SYT14: variants seen among roughly 807,000 people sequenced by gnomAD.
SYT14 encodes the protein synaptotagmin 14, also known as synaptotagmin-14.
A neutral mutation model predicts 74.2 loss-of-function variants in SYT14; 32 were observed. The ratio of observed to expected loss-of-function variants is 0.43; its 90% CI spans 0.33 to 0.58. SYT14 has a LOEUF of 0.58. Among genes scored for constraint, SYT14 ranks in the 20% least tolerant of loss-of-function variants. The pLI is 0.05. For missense variants in SYT14, 791 were observed against 981.8 expected (o/e 0.81, Z 2.60); for synonymous variants, 298 against 337.7 (o/e 0.88, Z 1.29).
At chr1:210,161,788 G>C (rs1295642793) in exon 10 of SYT14, 2 of 453,694 alleles carry the variant, frequency 4.4e-6, no homozygotes, top group African/African-American at 2.0e-5. Context: ...TTGTACTGTA[G>C]AACTACGTAA....
chr1:210,153,332 A>C (rs1272528223), intron 7 of SYT14, among the ~76,000 whole-genome samples: 1 of 152,182 alleles, frequency 6.6e-6, no homozygotes, highest in African/African-American at 2.4e-5. Flanking sequence ...GAAGTCAAAC[A>C]ATTCAAAGAA....
chr1:210,092,446 A>C lies in SYT14; in HGVS notation c.1313-1876A>C, dbSNP rs2081892256. Among the ~76,000 whole-genome samples the C allele has an allele frequency of 1.3e-5, 2 of 152,212 alleles. 1 individual carries two copies. The highest frequency in any genetic ancestry group is 1.3e-4 in the Admixed American group (2 of 15,276). On this transcript the variant is annotated intron_variant, in intron 5 of 9. Coordinates refer to ENST00000637265, the Ensembl canonical transcript of SYT14. ...AAGGTTCACTCTGAAATCTGCTTAG[A>C]TCTCATTGGCCACTCCTAATCAGAA...
chr1:210,041,689 A>G (rs1394488383), intron 5 of SYT14, among the ~76,000 whole-genome samples: 1 of 152,158 alleles, frequency 6.6e-6, no homozygotes. Context: ...TAAACTTAAA[A>G]ATAAATACTC....
chr1:210,163,655 C>G, exon 10 of SYT14: 1 of 453,740 alleles, frequency 2.2e-6, no homozygotes, highest in South Asian at 1.6e-5. Context: ...CCTTCACACA[C>G]AGCAAAATAT....
intron 7 of SYT14, among the ~76,000 whole-genome samples, chr1:210,102,328 A>G (rs1384430171): frequency 1.3e-5 from 2 of 152,092 alleles, no homozygotes; most frequent in Non-Finnish European, 2.9e-5. Flanking sequence ...GAATAAAACT[A>G]TCCATCTTCT....
rs1553264180 is a variant in SYT14 at position 210,000,466 on chromosome 1, G to GCGCACACACACA, written c.-485-13166_-485-13165insGCACACACACAC. 3.0e-3 allele frequency among the ~76,000 whole-genome samples: 435 copies of GCGCACACACACA among 143,192 alleles called. 5 individuals carry two copies. Among genetic ancestry groups the GCGCACACACACA allele is most frequent in the African/African-American group, 0.011 (416 of 37,850 alleles). 93.9% of individuals were successfully genotyped at this position (143,192 alleles called of 152,430 possible). A position where few individuals can be genotyped will look rare whatever the true frequency, so the allele number is the denominator to read the frequency against. On this transcript the variant is annotated intron_variant, in intron 2 of 9. Coordinates refer to ENST00000637265, the Ensembl canonical transcript of SYT14. Reference sequence around the variant, plus strand: ...TTATTTTAGTCCTTTGTCCTCATACGCACACACACACACACACACACACAC... The same window carrying GCGCACACACACA: ...TTATTTTAGTCCTTTGTCCTCATACGCGCACACACACACACACACACACACACACACACACAC...
At chr1:210,001,555 C>G (rs1181932087) in intron 2 of SYT14, among the ~76,000 whole-genome samples, 1 of 152,006 alleles carries the variant, frequency 6.6e-6, no homozygotes, top group African/African-American at 2.4e-5. Context: ...GGCTTCCTGC[C>G]TTTTGAAGCG....
At chr1:210,075,924 T>C (rs192556704) in intron 5 of SYT14, among the ~76,000 whole-genome samples, 1 of 152,310 alleles carries the variant, frequency 6.6e-6, no homozygotes, top group Non-Finnish European at 1.5e-5. Context: ...GATGGGTGTA[T>C]TTTTTAAATA....
At chr1:210,075,204 G>T (rs898460252) in intron 5 of SYT14, among the ~76,000 whole-genome samples, 1 of 152,148 alleles carries the variant, frequency 6.6e-6, no homozygotes, top group African/African-American at 2.4e-5. Flanking sequence ...GCCAGCTGAC[G>T]TGTGCTCTTC....
chr1:210,158,336 C>T (rs555734043), intron 8 of SYT14, among the ~76,000 whole-genome samples: 1 of 152,224 alleles, frequency 6.6e-6, no homozygotes, highest in Admixed American at 6.5e-5. Context: ...CACACCCTGC[C>T]AGAAGACTTT....
intron 2 of SYT14, among the ~76,000 whole-genome samples, chr1:209,992,405 T>C (rs775310702): frequency 2.0e-5 from 3 of 152,186 alleles, no homozygotes; most frequent in Non-Finnish European, 4.4e-5. Flanking sequence ...CTGGAGGCCA[T>C]TATTTTAAGT....
chr1:210,054,786 C>A (rs2743891), intron 5 of SYT14, among the ~76,000 whole-genome samples: 85,990 of 151,968 alleles, frequency 0.57, 26,333 homozygotes, highest in African/African-American at 0.81. Context: ...GTGTGATATA[C>A]TGCTTGGCTG....
chr1:210,086,430 T>C (rs1334603738), intron 5 of SYT14, among the ~76,000 whole-genome samples: 3 of 152,252 alleles, frequency 2.0e-5, no homozygotes, highest in African/African-American at 7.2e-5. Flanking sequence ...AGTTACTATA[T>C]TTATTTTGAG....
intron 5 of SYT14, among the ~76,000 whole-genome samples, chr1:210,038,174 C>T (rs1032978678): frequency 6.6e-6 from 1 of 151,970 alleles, no homozygotes; most frequent in Non-Finnish European, 1.5e-5. Context: ...TAATGCCCTT[C>T]TTTGTCTTCT....
chr1:210,146,363 T>C (rs1210577663), intron 7 of SYT14, among the ~76,000 whole-genome samples: 3 of 152,122 alleles, frequency 2.0e-5, no homozygotes, highest in Non-Finnish European at 4.4e-5. Context: ...ATATGGCCTA[T>C]TTATTATTTT....
In SYT14 at chr1:210,149,272, C is replaced by T. The variant is rs562143711; in HGVS notation, c.2035-6449C>T. Among the ~76,000 whole-genome samples, 23 of 150,766 alleles carry T rather than the reference C, an allele frequency of 1.5e-4. No individual in the cohort carries two copies. The East Asian group carries it at 4.1e-3, about 27-fold the overall frequency. On this transcript the variant is annotated intron_variant, in intron 7 of 9. Coordinates refer to ENST00000637265, the Ensembl canonical transcript of SYT14. ...TGATGTCGGCTCACTGCAACCTCCA[C>T]CTCGCAGGTTCAAGCAATTTTCATG... is the stretch of plus-strand genomic sequence containing the variant.
chr1:210,065,930 T>C (rs1204106362), intron 5 of SYT14, among the ~76,000 whole-genome samples: 4 of 149,210 alleles, frequency 2.7e-5, no homozygotes, highest in Admixed American at 2.0e-4. Context: ...CCTGTGTCCA[T>C]GTGTTCTCAT....
intron 2 of SYT14, among the ~76,000 whole-genome samples, chr1:209,953,647 C>T (rs1254087180): frequency 6.6e-6 from 1 of 152,166 alleles, no homozygotes; most frequent in African/African-American, 2.4e-5. Flanking sequence ...TTTAACAGCT[C>T]TGAAAAGCCT....
intron 1 of SYT14, among the ~76,000 whole-genome samples, chr1:209,941,339 C>A (rs899841416): frequency 1.9e-4 from 29 of 152,172 alleles, no homozygotes; most frequent in African/African-American, 6.8e-4. Flanking sequence ...GGCAAAGTTA[C>A]AATTTTTGAA....
Sources: allele counts gnomAD v4.1 joint callset (sites outside exome capture counted in the v4.1 genomes callset), GRCh38; gene constraint gnomAD v4.1.1; transcripts MANE v1.5; gene names NCBI Gene and HGNC (gene_info 2026-07-23, HGNC 2026-07-21).